The following TET3 variants were observed in gnomAD, a reference collection of about 807,000 sequenced individuals.
TET3 encodes tet methylcytosine dioxygenase 3.
A neutral mutation model predicts 141.4 loss-of-function variants in TET3; 19 were observed. That is an observed-to-expected ratio of 0.13 (90% CI 0.09 to 0.20). The LOEUF is 0.20. Ranked by LOEUF, TET3 falls within the 10% of genes least tolerant of loss-of-function variation. The pLI is 1.00. For synonymous variants in TET3, 1,043 were observed against 980.9 expected, an observed-to-expected ratio of 1.06 and a Z score of -1.18; for missense variants, 1,874 against 2,356.9, an observed-to-expected ratio of 0.80 and a Z score of 4.24.
intron 10 of TET3, among the ~76,000 whole-genome samples, chr2:74,096,967 C>G (rs975669386): frequency 2.0e-5 from 3 of 151,858 alleles, no homozygotes; most frequent in African/African-American, 7.3e-5. Flanking sequence ...GTTGTGCATG[C>G]TTGTAGTCCC....
At chr2:74,090,373 C>A (rs10186781) in intron 8 of TET3, among the ~76,000 whole-genome samples, 14,565 of 152,256 alleles carry the variant, frequency 0.096, 1,665 homozygotes, top group African/African-American at 0.27. Context: ...ATTTCTCCCC[C>A]CCATCTTCCC....
Position 74,100,616 on chromosome 2 carries a change from C to T in TET3, c.3828C>T (p.His1276=), listed in dbSNP as rs777403044. Residue 1276 remains histidine, a synonymous_variant, in exon 12 of 12, where the codon CAC becomes CAT. Coordinates refer to ENST00000409262, the MANE Select transcript of TET3 (RefSeq NM_001287491.2). ...QPSLTSVNGF[H]SKYALPSFSY... is the part of the protein sequence containing the mutation. ...GCCTGACCTCCGTCAATGGCTTCCA[C>T]TCCAAGTACGCTCTCCCGTCTTTTA... The T allele has an allele frequency of 6.2e-7, 1 of 1,614,008 alleles. No homozygotes were observed. The highest frequency in any genetic ancestry group is 1.1e-5 in the South Asian group (1 of 91,068).
At chr2:74,097,224 C>CACACACACACAT (rs1553435472) in intron 10 of TET3, among the ~76,000 whole-genome samples, 1 of 150,884 alleles carries the variant, frequency 6.6e-6, no homozygotes, top group Non-Finnish European at 1.5e-5. Context: ...CACACACACA[C>CACACACACACAT]ACACACATAC....
At chr2:74,128,992 T>TA in the TET3 span, among the ~76,000 whole-genome samples, 2,199 of 77,642 alleles carry the variant, frequency 0.028, 59 homozygotes, top group African/African-American at 0.036. Flanking sequence ...TGTCTCAATT[T>TA]AAAAAAAAAA....
At chr2:74,056,898 T>A (rs2103785300) in intron 4 of TET3, among the ~76,000 whole-genome samples, 1 of 152,244 alleles carries the variant, frequency 6.6e-6, no homozygotes, top group Non-Finnish European at 1.5e-5. Context: ...CTCCCAGTGT[T>A]GGGAAAAGTA....
intron 4 of TET3, among the ~76,000 whole-genome samples, chr2:74,073,111 A>T (rs2103935926): frequency 6.6e-6 from 1 of 152,316 alleles, no homozygotes; most frequent in East Asian, 1.9e-4. Flanking sequence ...GTATTTACCC[A>T]GGAGGGCTTC....
downstream of TET3, among the ~76,000 whole-genome samples, chr2:74,112,675 CAG>C (rs1298643855): frequency 6.6e-6 from 1 of 152,100 alleles, no homozygotes; most frequent in Admixed American, 6.6e-5. Flanking sequence ...AGAGATTAGA[CAG>C]TGACTACAAT....
chr2:74,013,891 A>G (rs1465695336), intron 3 of TET3, among the ~76,000 whole-genome samples: 3 of 152,320 alleles, frequency 2.0e-5, no homozygotes, highest in African/African-American at 7.2e-5. Flanking sequence ...TCTACTCCCC[A>G]TAACTAATGT....
chr2:74,010,659 TTGAA>T (rs1490198205), intron 3 of TET3, among the ~76,000 whole-genome samples: 2 of 152,266 alleles, frequency 1.3e-5, no homozygotes, highest in African/African-American at 2.4e-5. Flanking sequence ...CCCAGGTAAT[TTGAA>T]TGTGCAGTCA....
At chr2:74,002,029 G>T (rs1684873861) in intron 2 of TET3, among the ~76,000 whole-genome samples, 1 of 152,104 alleles carries the variant, frequency 6.6e-6, no homozygotes, top group Non-Finnish European at 1.5e-5. Context: ...GACACAGGAG[G>T]TGTGGGCTCC....
intron 2 of TET3, among the ~76,000 whole-genome samples, chr2:73,991,687 TCCCAGGTGTA>T: frequency 2.0e-5 from 3 of 150,954 alleles, no homozygotes; most frequent in African/African-American, 7.3e-5. Flanking sequence ...GGTCTGGGGC[TCCCAGGTGTA>T]CCTAGGCTGA....
intron 3 of TET3, among the ~76,000 whole-genome samples, chr2:74,039,318 C>T (rs1687224275): frequency 6.6e-6 from 1 of 152,194 alleles, no homozygotes; most frequent in South Asian, 2.1e-4. Context: ...TTTCTCCAGC[C>T]TCTCTGAGAT....
chr2:74,100,477 A>C lies in TET3; in HGVS notation c.3689A>C (p.Lys1230Thr). 1 of 1,595,054 alleles carries C rather than the reference A, an allele frequency of 6.3e-7. No individual in the cohort carries two copies. Among genetic ancestry groups the C allele is most frequent in the Non-Finnish European group, 8.5e-7 (1 of 1,171,020 alleles). Residue 1230 changes from lysine (K) to threonine (T), a missense_variant, in exon 12 of 12, where the codon AAG (lysine) becomes ACG (threonine). Lys to Thr is a moderately conservative substitution (Grantham distance 78). Around this residue, in one of 10 missense-constraint regions of TET3, gnomAD observed 602 missense variants for 590.2 expected, o/e 1.02. Coordinates refer to ENST00000409262, the MANE Select transcript of TET3 (RefSeq NM_001287491.2). Reference sequence around the variant, plus strand: ...CCGCAGAACCACTTCAGCTCCTTCAAGTACAGCGGCAACGCGGTGGTGGAG... The same window carrying C: ...CCGCAGAACCACTTCAGCTCCTTCACGTACAGCGGCAACGCGGTGGTGGAG... Reference protein sequence around the residue: ...VEPQNHFSSFKYSGNAVVESY... With the variant: ...VEPQNHFSSFTYSGNAVVESY...
At chr2:73,994,638 C>CTTTCTTTTTTT (rs1553412093) in intron 2 of TET3, among the ~76,000 whole-genome samples, 1 of 96,750 alleles carries the variant, frequency 1.0e-5, no homozygotes, top group African/African-American at 6.0e-5. Flanking sequence ...TTCTTTCTTT[C>CTTTCTTTTTTT]TTTTTTTTTT....
intron 4 of TET3, among the ~76,000 whole-genome samples, chr2:74,052,352 GGTGCTCACTCT>G (rs1687990661): frequency 6.6e-6 from 1 of 152,112 alleles, no homozygotes; most frequent in African/African-American, 2.4e-5. Flanking sequence ...TAGAAATCAA[GGTGCTCACTCT>G]GGGATGACAA....
intron 4 of TET3, among the ~76,000 whole-genome samples, chr2:74,072,878 G>C (rs1055596299): frequency 6.6e-6 from 1 of 152,068 alleles, no homozygotes; most frequent in Non-Finnish European, 1.5e-5. Flanking sequence ...TATTTTACTT[G>C]GTATAATGTT....
chr2:74,067,845 G>A (rs1688995006), intron 4 of TET3, among the ~76,000 whole-genome samples: 1 of 152,248 alleles, frequency 6.6e-6, no homozygotes, highest in Non-Finnish European at 1.5e-5. Context: ...GCTGGGACAG[G>A]TTGCAAGGCA....
In TET3 at chr2:74,107,422, C is replaced by T. The variant is rs1691559710; in HGVS notation, c.*5246C>T. ...TGTTTGCTCCCTCTTCGCGTTTTGACTACCCGTCATTCAGGGGTAACTCAT... is the reference window on the plus strand; with the variant it reads ...TGTTTGCTCCCTCTTCGCGTTTTGATTACCCGTCATTCAGGGGTAACTCAT... On this transcript the variant is annotated 3_prime_UTR_variant, in exon 12 of 12. Coordinates refer to ENST00000409262, the MANE Select transcript of TET3 (RefSeq NM_001287491.2). 6.6e-6 allele frequency: 1 copy of T among 152,238 alleles called. No homozygotes were observed. Among genetic ancestry groups the T allele is most frequent in the Non-Finnish European group, 1.5e-5 (1 of 68,040 alleles). The allele number at this position is 152,238 out of a possible 1,614,324, so 9.4% of individuals were successfully genotyped here.
intron 6 of TET3, among the ~76,000 whole-genome samples, chr2:74,086,369 G>C (rs1297675434): frequency 2.0e-5 from 3 of 151,592 alleles, no homozygotes; most frequent in Middle Eastern, 3.2e-3. Context: ...GGATGCCCAG[G>C]GCTCTCGCTT....
Sources: gnomAD v4.1 joint callset for allele counts (sites outside exome capture counted in the v4.1 genomes callset) on GRCh38, gnomAD v4.1.1 for gene constraint, gnomAD v4.1.1 regional missense constraint, MANE v1.5 for transcripts, NCBI Gene and HGNC (gene_info 2026-07-23, HGNC 2026-07-21) for gene names.